The following MFSD8 variants were observed in gnomAD, a reference collection of about 807,000 sequenced individuals.
MFSD8 encodes the protein major facilitator superfamily domain containing 8, also known as major facilitator superfamily domain-containing protein 8.
In MFSD8, 55 loss-of-function variants were observed where a neutral mutation model predicts 66.4. That is an observed-to-expected ratio of 0.83 (90% CI 0.67 to 1.04). MFSD8 has a LOEUF of 1.04. Among genes scored for constraint, MFSD8 ranks in the 50% least tolerant of loss-of-function variants. MFSD8 has a pLI of 0.00. For synonymous variants in MFSD8, 202 were observed against 212.8 expected (o/e 0.95, Z 0.44); for missense variants, 550 against 627.6 (o/e 0.88, Z 1.32).
At chr4:127,961,591 G>A (rs894987269) in intron 1 of MFSD8, among the ~76,000 whole-genome samples, 1 of 152,036 alleles carries the variant, frequency 6.6e-6, no homozygotes, top group Admixed American at 6.6e-5. Flanking sequence ...GAGGCGGGCG[G>A]ATCACGAGGT....
At chr4:127,932,092 C>T (rs1738237350) in intron 8 of MFSD8, among the ~76,000 whole-genome samples, 1 of 152,180 alleles carries the variant, frequency 6.6e-6, no homozygotes, top group African/African-American at 2.4e-5. Context: ...GCCTGGGTGA[C>T]AGAGTGAGAC....
intron 1 of MFSD8, among the ~76,000 whole-genome samples, 188 bp from the exon 2 acceptor site, chr4:127,957,780 G>T (rs576941685): frequency 6.6e-6 from 1 of 152,176 alleles, no homozygotes; most frequent in Admixed American, 6.5e-5. Flanking sequence ...TTGTATATAT[G>T]CATTATTGTA....
At chr4:127,925,078 T>C (rs1028433942) in intron 9 of MFSD8, among the ~76,000 whole-genome samples, 14 of 152,124 alleles carry the variant, frequency 9.2e-5, no homozygotes, top group African/African-American at 2.4e-5. Flanking sequence ...TTATACCTTA[T>C]ACAAAAATTA....
chr4:127,945,273 T>C (rs539248900), intron 3 of MFSD8: 2 of 152,282 alleles, frequency 1.3e-5, no homozygotes, highest in Non-Finnish European at 1.5e-5. Context: ...AGGAAAACTA[T>C]GACCTTTTGT....
In MFSD8 at chr4:127,920,097, C is replaced by T. The variant is rs11940642; in HGVS notation, c.*533G>A. ...AGAAGGCAAGGTAGGATGTTAGGCA[C>T]GCTAAATGGAAAATATGTGTTATAA... On this transcript the variant is annotated 3_prime_UTR_variant, in exon 12 of 12. Transcript: ENST00000641686. 0.077 allele frequency: 12,477 copies of T among 161,336 alleles called. 973 individuals are homozygous for T. The highest frequency in any genetic ancestry group is 0.26 in the East Asian group (1,437 of 5,470). The allele number at this position is 161,336 out of a possible 1,614,324, so 10.0% of individuals were successfully genotyped here. A position where few individuals can be genotyped will look rare whatever the true frequency, so the allele number is the denominator to read the frequency against.
Position 127,929,532 on chromosome 4 carries a change from G to A in MFSD8, c.998+1151C>T, listed in dbSNP as rs1737793946. 2.6e-5 allele frequency among the ~76,000 whole-genome samples: 4 copies of A among 151,200 alleles called. No individual in the cohort carries two copies. In the South Asian group the frequency reaches 8.4e-4, roughly 32 times the overall value. On this transcript the variant is annotated intron_variant, in intron 9 of 11. Coordinates refer to ENST00000641686, the MANE Select transcript of MFSD8 (RefSeq NM_001371596.2). ...CAGCCCAGGAGTCTGAGGCTGCCAT[G>A]AGCTATGATCACTCCACTCCACTCC...
At chr4:127,948,497 T>C (rs1427886390) in intron 3 of MFSD8, among the ~76,000 whole-genome samples, 1 of 152,220 alleles carries the variant, frequency 6.6e-6, no homozygotes, top group Non-Finnish European at 1.5e-5. Flanking sequence ...CTTCCTTTCA[T>C]TCTTGCTCTA....
chr4:127,932,579 A>G (rs1025192719), intron 8 of MFSD8: 1 of 154,488 alleles, frequency 6.5e-6, no homozygotes, highest in African/African-American at 2.4e-5. Flanking sequence ...ATTTTGTAAT[A>G]TACTAGGTTT....
chr4:127,929,851 G>A (rs549667478), intron 9 of MFSD8, among the ~76,000 whole-genome samples: 15 of 152,112 alleles, frequency 9.9e-5, no homozygotes, highest in African/African-American at 3.6e-4. Flanking sequence ...TTAAAGTGAT[G>A]GTATCCCAAT....
At chr4:127,949,457 T>A (rs1267988723) in intron 3 of MFSD8, among the ~76,000 whole-genome samples, 1 of 152,238 alleles carries the variant, frequency 6.6e-6, no homozygotes, top group African/African-American at 2.4e-5. Flanking sequence ...TTACACACTT[T>A]AGGAATTCAG....
intron 9 of MFSD8, among the ~76,000 whole-genome samples, chr4:127,922,905 G>A (rs1373974334): frequency 6.6e-6 from 1 of 152,010 alleles, no homozygotes; most frequent in Admixed American, 6.6e-5. Context: ...AATAATCAGT[G>A]GCTACTTACA....
At chr4:127,950,431 T>C (rs1741745764) in intron 2 of MFSD8, among the ~76,000 whole-genome samples, 2 of 152,244 alleles carry the variant, frequency 1.3e-5, no homozygotes. Context: ...GACTTATGCC[T>C]GTAATCCCAG....
intron 4 of MFSD8, 111 bp from the exon 5 acceptor site, chr4:127,942,269 C>A: frequency 1.3e-6 from 1 of 774,318 alleles, no homozygotes; most frequent in Non-Finnish European, 2.3e-6. Context: ...ACAGTACAGT[C>A]ACTGCTTCCT....
At position 127,921,774 on chromosome 4, in the gene MFSD8, G is replaced by T. The variant is rs375728437; in HGVS notation, c.1103-3C>A. The T allele has an allele frequency of 6.2e-7, 1 of 1,614,096 alleles. No homozygotes were observed. Among genetic ancestry groups the T allele is most frequent in the Non-Finnish European group, 8.5e-7 (1 of 1,179,998 alleles). On this transcript the variant is annotated splice_polypyrimidine_tract_variant and splice_region_variant and intron_variant, in intron 10 of 11. Transcript: ENST00000641686. Reference sequence around the variant, plus strand: ...AGGGATTGAATTATTGTGCAAATCTGTAAAAACAAAACCATTGCAGTGCAT... The same window carrying T: ...AGGGATTGAATTATTGTGCAAATCTTTAAAAACAAAACCATTGCAGTGCAT...
intron 9 of MFSD8, among the ~76,000 whole-genome samples, chr4:127,929,181 G>C (rs573327235): frequency 4.6e-4 from 70 of 151,662 alleles, no homozygotes; most frequent in African/African-American, 1.7e-3. Flanking sequence ...AAATTAGCCA[G>C]GTGTGATGGC....
chr4:127,936,509 T>A (rs1739102730), intron 7 of MFSD8, among the ~76,000 whole-genome samples: 1 of 152,060 alleles, frequency 6.6e-6, no homozygotes, highest in East Asian at 1.9e-4. Flanking sequence ...GCAGATCACT[T>A]GAGTCCAGGA....
At chr4:127,929,744 T>C (rs1443144083) in intron 9 of MFSD8, among the ~76,000 whole-genome samples, 1 of 152,160 alleles carries the variant, frequency 6.6e-6, no homozygotes, top group Non-Finnish European at 1.5e-5. Context: ...TTTCAATAGC[T>C]CAGTAGGGTG....
intron 3 of MFSD8, among the ~76,000 whole-genome samples, chr4:127,947,283 G>A (rs969042190): frequency 6.6e-5 from 10 of 152,014 alleles, no homozygotes; most frequent in Non-Finnish European, 1.0e-4. Context: ...CCAGCTACTT[G>A]GAAGGCTGAG....
intron 5 of MFSD8, among the ~76,000 whole-genome samples, chr4:127,940,549 T>C (rs967298224): frequency 4.0e-5 from 6 of 148,734 alleles, no homozygotes; most frequent in Non-Finnish European, 8.9e-5. Flanking sequence ...TGTGTGTGTG[T>C]GTATATATTT....
Sources: gnomAD v4.1 joint callset for allele counts (sites outside exome capture counted in the v4.1 genomes callset) on GRCh38, gnomAD v4.1.1 for gene constraint, MANE v1.5 for transcripts, NCBI Gene and HGNC (gene_info 2026-07-23, HGNC 2026-07-21) for gene names.